CTNNA3: variants seen among roughly 807,000 people sequenced by gnomAD.
CTNNA3 encodes the protein catenin alpha-3.
A neutral mutation model predicts 95.7 loss-of-function variants in CTNNA3; 76 were observed. That is an observed-to-expected ratio of 0.79 (90% confidence interval 0.66 to 0.96). CTNNA3 has a LOEUF of 0.96. Among genes scored for constraint, CTNNA3 ranks in the 40% least tolerant of loss-of-function variants. The probability of loss-of-function intolerance (pLI) is 0.00; values close to 1 mark genes in which losing one functional copy is unlikely to be tolerated. For synonymous variants in CTNNA3, 431 were observed against 374.4 expected (o/e 1.15, Z -1.74); for missense variants, 1,191 against 1,089.8 (o/e 1.09, Z -1.31).
intron 6 of CTNNA3, among the ~76,000 whole-genome samples, chr10:67,211,636 A>C (rs1031242919): frequency 6.6e-6 from 1 of 152,162 alleles, no homozygotes; most frequent in African/African-American, 2.4e-5. Context: ...ATAAGGCATT[A>C]TTCCTCTACT....
intron 11 of CTNNA3, among the ~76,000 whole-genome samples, chr10:66,504,072 TG>T (rs1840368877): frequency 6.6e-6 from 1 of 152,180 alleles, no homozygotes; most frequent in African/African-American, 2.4e-5. Flanking sequence ...AACATTTACT[TG>T]TTCTCTCAGC....
At chr10:66,441,236 T>C (rs2093373684) in intron 11 of CTNNA3, among the ~76,000 whole-genome samples, 1 of 152,204 alleles carries the variant, frequency 6.6e-6, no homozygotes, top group African/African-American at 2.4e-5. Flanking sequence ...CTGATGGTGC[T>C]TGCTGTCTAA....
At chr10:65,937,822 T>C (rs1419097572) in intron 17 of CTNNA3, among the ~76,000 whole-genome samples, 1 of 152,068 alleles carries the variant, frequency 6.6e-6, no homozygotes, top group Non-Finnish European at 1.5e-5. Context: ...GAAATGACTA[T>C]TTTTTTCTTT....
At chr10:66,445,007 A>G (rs1241226223) in intron 11 of CTNNA3, among the ~76,000 whole-genome samples, 1 of 152,110 alleles carries the variant, frequency 6.6e-6, no homozygotes, top group African/African-American at 2.4e-5. Flanking sequence ...AAACAAAAAA[A>G]GGCAGGGGTC....
At chr10:67,738,751 C>A (rs1841317378) in intron 1 of CTNNA3, among the ~76,000 whole-genome samples, 1 of 151,662 alleles carries the variant, frequency 6.6e-6, no homozygotes, top group Non-Finnish European at 1.5e-5. Flanking sequence ...CCTTAAAGGA[C>A]CTGATGAAGC....
intron 6 of CTNNA3, among the ~76,000 whole-genome samples, chr10:67,217,198 C>T (rs1462985002): frequency 6.6e-6 from 1 of 152,122 alleles, no homozygotes; most frequent in Non-Finnish European, 1.5e-5. Context: ...TTTGCAGGAG[C>T]AAAATAGAGC....
At chr10:66,155,073 C>T (rs1024266267) in intron 13 of CTNNA3, among the ~76,000 whole-genome samples, 3 of 151,688 alleles carry the variant, frequency 2.0e-5, no homozygotes, top group African/African-American at 7.3e-5. Context: ...ATTTGGCCTG[C>T]GGGCTGTAGT....
intron 7 of CTNNA3, among the ~76,000 whole-genome samples, chr10:67,109,735 C>T (rs1006674620): frequency 6.6e-6 from 1 of 152,058 alleles, no homozygotes; most frequent in African/African-American, 2.4e-5. Context: ...CCCAGCTACT[C>T]GGGAGGCTGA....
intron 10 of CTNNA3, among the ~76,000 whole-genome samples, chr10:66,610,956 A>T (rs559797138): frequency 6.6e-6 from 1 of 152,156 alleles, no homozygotes; most frequent in Non-Finnish European, 1.5e-5. Context: ...CACACATACA[A>T]TGGAATATTA....
chr10:65,970,152 A>G (rs1589193573), intron 16 of CTNNA3, among the ~76,000 whole-genome samples: 2 of 152,284 alleles, frequency 1.3e-5, no homozygotes. Context: ...AAATTTCAAC[A>G]AAAAGTTCAT....
At chr10:67,666,805 T>A (rs143965864) in intron 1 of CTNNA3, among the ~76,000 whole-genome samples, 14 of 152,288 alleles carry the variant, frequency 9.2e-5, no homozygotes, top group Non-Finnish European at 2.1e-4. Flanking sequence ...TTAATGCTTC[T>A]CATCTGTATC....
chr10:66,268,799 G>A (rs1287816032), intron 13 of CTNNA3, among the ~76,000 whole-genome samples: 5 of 152,060 alleles, frequency 3.3e-5, no homozygotes, highest in African/African-American at 9.7e-5. Context: ...TTGAGGTCTG[G>A]CCACCAAACT....
chr10:67,175,361 T>C (rs1318028307), intron 7 of CTNNA3, among the ~76,000 whole-genome samples: 1 of 152,146 alleles, frequency 6.6e-6, no homozygotes, highest in Non-Finnish European at 1.5e-5. Context: ...TGGAGGTCTA[T>C]ACAAAAGGAA....
At chr10:67,351,251 G>C (rs149277048) in intron 5 of CTNNA3, among the ~76,000 whole-genome samples, 16 of 151,510 alleles carry the variant, frequency 1.1e-4, no homozygotes, top group Non-Finnish European at 2.2e-4. Context: ...TATTAGAGGA[G>C]GTATATTGAA....
At chr10:66,999,809 T>G (rs550495925) in intron 7 of CTNNA3, among the ~76,000 whole-genome samples, 350 of 152,298 alleles carry the variant, frequency 2.3e-3, no homozygotes, top group African/African-American at 7.7e-3. Context: ...GACCATCAAT[T>G]TTTCTGATTT....
chr10:67,559,365 T>C (rs1435256804), intron 3 of CTNNA3, among the ~76,000 whole-genome samples: 2 of 152,184 alleles, frequency 1.3e-5, no homozygotes, highest in Non-Finnish European at 2.9e-5. Flanking sequence ...CCGCTGCTGA[T>C]ACCCAGGCAA....
At chr10:66,870,787 T>C (rs1402444084) in intron 7 of CTNNA3, among the ~76,000 whole-genome samples, 1 of 152,208 alleles carries the variant, frequency 6.6e-6, no homozygotes, top group African/African-American at 2.4e-5. Context: ...TTTTTTCCTT[T>C]GCTGCACATT....
At chr10:67,449,471 T>A (rs1846883945) in intron 5 of CTNNA3, among the ~76,000 whole-genome samples, 1 of 151,606 alleles carries the variant, frequency 6.6e-6, no homozygotes, top group Non-Finnish European at 1.5e-5. Flanking sequence ...ATGGTAGTGT[T>A]ACAAAAAGAG....
At chr10:66,313,818 C>A (rs2092060031) in intron 12 of CTNNA3, among the ~76,000 whole-genome samples, 1 of 152,150 alleles carries the variant, frequency 6.6e-6, no homozygotes, top group Non-Finnish European at 1.5e-5. Flanking sequence ...ACATTTCACT[C>A]ATTACATCTT....
Sources: gnomAD v4.1 joint callset for allele counts (sites outside exome capture counted in the v4.1 genomes callset) on GRCh38, gnomAD v4.1.1 for gene constraint, MANE v1.5 for transcripts, NCBI Gene and HGNC (gene_info 2026-07-23, HGNC 2026-07-21) for gene names.